The following CACNA1C variants were observed in gnomAD, a reference collection of about 807,000 sequenced individuals.
The protein encoded by CACNA1C is voltage-dependent L-type calcium channel subunit alpha-1C.
A neutral mutation model predicts 229.0 loss-of-function variants in CACNA1C; 30 were observed. That is an observed-to-expected ratio of 0.13 (90% confidence interval 0.10 to 0.18). The LOEUF is 0.18. Among genes scored for constraint, CACNA1C ranks in the 10% least tolerant of loss-of-function variants. The probability of loss-of-function intolerance (pLI) is 1.00; values close to 1 mark genes in which losing one functional copy is unlikely to be tolerated. For synonymous variants in CACNA1C, 1,114 were observed against 1,132.5 expected (o/e 0.98, Z 0.33); for missense variants, 1,658 against 2,845.0 (o/e 0.58, Z 9.49).
intron 1 of CACNA1C, among the ~76,000 whole-genome samples, chr12:1,985,021 T>C (rs61908034): frequency 0.022 from 3,382 of 151,992 alleles, 42 homozygotes; most frequent in Middle Eastern, 0.061. Context: ...TTTTCTCTGG[T>C]TTGCTTTCAA....
intron 3 of CACNA1C, among the ~76,000 whole-genome samples, chr12:2,300,757 A>G (rs2094491137): frequency 6.6e-6 from 1 of 152,184 alleles, no homozygotes; most frequent in African/African-American, 2.4e-5. Context: ...TAAGTGCTAA[A>G]TTGTGTCACT....
intron 45 of CACNA1C, 140 bp from the exon 46 acceptor site, chr12:2,688,307 G>T: frequency 1.4e-6 from 1 of 726,138 alleles, no homozygotes. Context: ...ACCGACAGGG[G>T]AAAATAATGG....
At chr12:2,196,137 G>C (rs970967353) in intron 3 of CACNA1C, among the ~76,000 whole-genome samples, 2 of 152,192 alleles carry the variant, frequency 1.3e-5, no homozygotes, top group Admixed American at 1.3e-4. Flanking sequence ...GAACTGTCTT[G>C]AGACTTCCTT....
At chr12:2,414,010 G>T (rs2098837255) in intron 3 of CACNA1C, among the ~76,000 whole-genome samples, 1 of 152,154 alleles carries the variant, frequency 6.6e-6, no homozygotes, top group Non-Finnish European at 1.5e-5. Context: ...TCAGTGCCTT[G>T]CATAGCAGGG....
chr12:2,081,758 G>A (rs951697703), intron 1 of CACNA1C, among the ~76,000 whole-genome samples: 1 of 151,994 alleles, frequency 6.6e-6, no homozygotes, highest in African/African-American at 2.4e-5. Context: ...ATTTAGGATG[G>A]GGTGGGTGCA....
chr12:2,591,554 G>C (rs751251989), intron 18 of CACNA1C, among the ~76,000 whole-genome samples: 2 of 152,178 alleles, frequency 1.3e-5, no homozygotes, highest in Non-Finnish European at 2.9e-5. Context: ...TGGAGCGTGA[G>C]TACTCAGGAA....
rs181242827 is a variant in CACNA1C at position 1,986,839 on chromosome 12, C to G, written c.139+15638C>G. Among the ~76,000 whole-genome samples, 3 of 152,280 alleles carry G rather than the reference C, an allele frequency of 2.0e-5. No individual in the cohort carries two copies. The East Asian group carries it at 5.8e-4, about 29-fold the overall frequency. On this transcript the variant is annotated intron_variant, in intron 1 of 46. Coordinates refer to the CACNA1C transcript ENST00000682462. Reference sequence around the variant, plus strand: ...TACTTTCAGAGGCCCCAGTTAGTTGCTTTTGTAATCTGCCCAGAACTTTTA... The same window carrying G: ...TACTTTCAGAGGCCCCAGTTAGTTGGTTTTGTAATCTGCCCAGAACTTTTA...
intron 34 of CACNA1C, among the ~76,000 whole-genome samples, chr12:2,662,853 C>T (rs758471522): frequency 6.6e-6 from 1 of 152,204 alleles, no homozygotes; most frequent in Non-Finnish European, 1.5e-5. Context: ...GCAAATACAA[C>T]TTACGGCAGA....
intron 10 of CACNA1C, among the ~76,000 whole-genome samples, chr12:2,555,017 G>T (rs1245872314): frequency 6.6e-6 from 1 of 152,216 alleles, no homozygotes; most frequent in African/African-American, 2.4e-5. Flanking sequence ...TTCAAGTGTG[G>T]TGCCCAGGCT....
At chr12:2,516,584 T>A (rs1376549966) in intron 9 of CACNA1C, among the ~76,000 whole-genome samples, 1 of 152,050 alleles carries the variant, frequency 6.6e-6, no homozygotes, top group Non-Finnish European at 1.5e-5. Context: ...GACTTCAGGA[T>A]GATGTCATTT....
At chr12:2,154,373 C>T (rs2095443479) in intron 3 of CACNA1C, among the ~76,000 whole-genome samples, 1 of 152,210 alleles carries the variant, frequency 6.6e-6, no homozygotes, top group South Asian at 2.1e-4. Flanking sequence ...ACCTCCAATG[C>T]ACAGAGCTGC....
At chr12:2,192,278 T>C (rs1057206132) in intron 3 of CACNA1C, among the ~76,000 whole-genome samples, 3 of 152,196 alleles carry the variant, frequency 2.0e-5, no homozygotes, top group Non-Finnish European at 2.9e-5. Context: ...CTATATTTCT[T>C]GCCCTTTCCA....
rs374791598 is a variant in CACNA1C, at chr12:2,521,421, C to G, written c.1390+8437C>G. On this transcript the variant is annotated intron_variant, in intron 9 of 46. Coordinates refer to ENST00000399655, the MANE Select transcript of CACNA1C (RefSeq NM_000719.7). The stretch of plus-strand genomic sequence containing the variant: ...AGCCAGCCACCCTGCAGGGGCAGAG[C>G]AAACAGGCTGTTAGCTCTTGAACTG... 9.2e-5 allele frequency among the ~76,000 whole-genome samples: 14 copies of G among 152,280 alleles called. No homozygotes were observed. The East Asian group carries it at 1.7e-3, about 19-fold the overall frequency.
chr12:2,102,739 G>C, intron 1 of CACNA1C, among the ~76,000 whole-genome samples: 1 of 151,972 alleles, frequency 6.6e-6, no homozygotes, highest in African/African-American at 2.4e-5. Flanking sequence ...CCCTATCCCC[G>C]TACTCCCCGA....
upstream of CACNA1C, chr12:2,052,893 C>CCGGGCGGGCGGG (rs530020760): frequency 1.0e-4 from 74 of 733,820 alleles, no homozygotes; most frequent in Admixed American, 5.9e-4. Flanking sequence ...CTCCGGCGCG[C>CCGGGCGGGCGGG]CGGGCGGGCG....
intron 3 of CACNA1C, among the ~76,000 whole-genome samples, chr12:2,243,794 G>A (rs879925388): frequency 6.6e-6 from 1 of 152,216 alleles, no homozygotes; most frequent in African/African-American, 2.4e-5. Context: ...TTTTGCCAAT[G>A]CTGGGCACTG....
intron 3 of CACNA1C, among the ~76,000 whole-genome samples, chr12:2,428,848 G>C (rs533502712): frequency 3.3e-5 from 5 of 152,338 alleles, no homozygotes. Context: ...TCCAAGCCTT[G>C]TCACGCTGAT....
At chr12:2,226,121 A>ATG (rs1566518065) in intron 3 of CACNA1C, among the ~76,000 whole-genome samples, 2 of 91,664 alleles carry the variant, frequency 2.2e-5, no homozygotes, top group African/African-American at 9.6e-5. Flanking sequence ...GGATATGGGG[A>ATG]CGCGCACACA....
intron 3 of CACNA1C, among the ~76,000 whole-genome samples, chr12:2,256,206 A>AT (rs1472456115): frequency 6.6e-6 from 1 of 152,158 alleles, no homozygotes; most frequent in East Asian, 1.9e-4. Flanking sequence ...CTGGAGGCTA[A>AT]GCCCAGGAAT....
Sources: gnomAD v4.1 joint callset for allele counts (sites outside exome capture counted in the v4.1 genomes callset) on GRCh38, gnomAD v4.1.1 for gene constraint, MANE v1.5 for transcripts, NCBI Gene and HGNC (gene_info 2026-07-23, HGNC 2026-07-21) for gene names.